Variants in ITPR1 observed in about 807,000 individuals in gnomAD.
ITPR1 encodes the protein inositol 1,4,5-trisphosphate-gated calcium channel ITPR1.
A neutral mutation model predicts 318.4 loss-of-function variants in ITPR1; 96 were observed. The observed-to-expected ratio is 0.30, with a 90% CI of 0.26 to 0.36. ITPR1 has a LOEUF of 0.36. ITPR1 is among the 10% of genes least tolerant of loss of function. The probability of loss-of-function intolerance (pLI) is 1.00; values close to 1 mark genes in which losing one functional copy is unlikely to be tolerated. For synonymous variants in ITPR1, 1,312 were observed against 1,289.9 expected, an observed-to-expected ratio of 1.02 and a Z score of -0.37; for missense variants, 2,440 against 3,460.2, an observed-to-expected ratio of 0.71 and a Z score of 7.40.
chr3:4,596,833 G>A (rs1215432904), intron 4 of ITPR1, among the ~76,000 whole-genome samples: 1 of 152,196 alleles, frequency 6.6e-6, no homozygotes, highest in Admixed American at 6.5e-5. Context: ...TGGGGGAATA[G>A]GAATCTGGTT....
At chr3:4,555,316 A>G (rs1166603733) in intron 4 of ITPR1, among the ~76,000 whole-genome samples, 2 of 152,200 alleles carry the variant, frequency 1.3e-5, no homozygotes, top group Non-Finnish European at 2.9e-5. Context: ...AGACAGGACT[A>G]GAAACTTGGT....
At chr3:4,495,977 A>G (rs889695444) in intron 2 of ITPR1, among the ~76,000 whole-genome samples, 1 of 152,256 alleles carries the variant, frequency 6.6e-6, no homozygotes, top group Non-Finnish European at 1.5e-5. Flanking sequence ...CCACAAACAT[A>G]GGGATAAAAG....
At chr3:4,822,345 G>A (rs571413956) in intron 60 of ITPR1, among the ~76,000 whole-genome samples, 2 of 152,330 alleles carry the variant, frequency 1.3e-5, no homozygotes, top group South Asian at 4.1e-4. Context: ...CACCTTGGCT[G>A]TGGGCACGTT....
intron 42 of ITPR1, among the ~76,000 whole-genome samples, chr3:4,730,647 C>T (rs957584552): frequency 2.0e-5 from 3 of 151,948 alleles, no homozygotes; most frequent in Non-Finnish European, 2.9e-5. Flanking sequence ...TGCTTGATTG[C>T]AGACTGACCA....
At chr3:4,535,045 G>T (rs1418613030) in intron 4 of ITPR1, among the ~76,000 whole-genome samples, 1 of 151,302 alleles carries the variant, frequency 6.6e-6, no homozygotes, top group Non-Finnish European at 1.5e-5. Context: ...TAAAATTAGT[G>T]TTCTCTAGTA....
In ITPR1 at chr3:4,728,149, G is replaced by A. The variant is rs114671108; in HGVS notation, c.5220+976G>A. ...GTGTGCATCTTTGAATAAATTCCTA[G>A]AAGAGGAATTCCTTGGCCAAGGGGT... is the stretch of plus-strand genomic sequence containing the variant. On this transcript the variant is annotated intron_variant, in intron 42 of 61. Coordinates refer to ENST00000649015, the MANE Select transcript of ITPR1 (RefSeq NM_001378452.1). Among the ~76,000 whole-genome samples, 435 of 152,352 alleles carry A rather than the reference G, an allele frequency of 2.9e-3. 1 individual carries two copies. Among genetic ancestry groups the A allele is most frequent in the African/African-American group, 9.9e-3 (412 of 41,582 alleles).
chr3:4,535,966 G>A (rs182802632), intron 4 of ITPR1, among the ~76,000 whole-genome samples: 2 of 152,286 alleles, frequency 1.3e-5, no homozygotes, highest in Admixed American at 1.3e-4. Flanking sequence ...AAGAGCCCCA[G>A]CAGTAGCTCA....
intron 5 of ITPR1, among the ~76,000 whole-genome samples, chr3:4,634,018 G>C (rs1372143829): frequency 6.6e-6 from 1 of 152,122 alleles, no homozygotes; most frequent in African/African-American, 2.4e-5. Flanking sequence ...TAAAATAACA[G>C]GTGGCTATGA....
chr3:4,836,732 A>C (rs1161538650), intron 60 of ITPR1, 42 bp from the exon 61 acceptor site: 2 of 1,300,072 alleles, frequency 1.5e-6, no homozygotes, highest in South Asian at 2.2e-5. Flanking sequence ...GAAGTGACTC[A>C]GTCTTTTTTT....
intron 4 of ITPR1, among the ~76,000 whole-genome samples, chr3:4,586,989 T>C (rs1398354939): frequency 6.6e-6 from 1 of 152,158 alleles, no homozygotes; most frequent in Admixed American, 6.5e-5. Context: ...TTGATTGTAC[T>C]GGGAATCACC....
chr3:4,497,284 G>A (rs142274194), intron 2 of ITPR1, among the ~76,000 whole-genome samples: 1,594 of 152,256 alleles, frequency 0.01, 33 homozygotes, highest in African/African-American at 0.035. Context: ...GTAGTTTAAG[G>A]CACATGGTGT....
chr3:4,585,135 T>C (rs966002526), intron 4 of ITPR1, among the ~76,000 whole-genome samples: 1 of 152,224 alleles, frequency 6.6e-6, no homozygotes, highest in Admixed American at 6.5e-5. Context: ...AGTCCTATAC[T>C]CTTCTGGGTA....
chr3:4,788,633 G>A (rs2047354913), intron 52 of ITPR1, among the ~76,000 whole-genome samples: 1 of 152,188 alleles, frequency 6.6e-6, no homozygotes, highest in African/African-American at 2.4e-5. Flanking sequence ...GTGCATCATT[G>A]CTCACCAGCG....
chr3:4,753,295 C>T (rs1466616870), intron 44 of ITPR1, among the ~76,000 whole-genome samples: 4 of 152,062 alleles, frequency 2.6e-5, no homozygotes, highest in East Asian at 1.9e-4. Context: ...GATCCCTAGT[C>T]GGTGCTTCTA....
At chr3:4,613,079 T>C (rs1402369505) in intron 4 of ITPR1, among the ~76,000 whole-genome samples, 2 of 152,136 alleles carry the variant, frequency 1.3e-5, no homozygotes, top group Non-Finnish European at 2.9e-5. Context: ...ACAGTTTGCT[T>C]TTATACGTTT....
At chr3:4,686,942 C>A (rs2125238504) in intron 30 of ITPR1, among the ~76,000 whole-genome samples, 1 of 152,356 alleles carries the variant, frequency 6.6e-6, no homozygotes, top group South Asian at 2.1e-4. Context: ...TAATAAGGGA[C>A]AAATGTAATC....
chr3:4,755,404 AT>A (rs71053440), intron 44 of ITPR1, among the ~76,000 whole-genome samples: 42,304 of 143,516 alleles, frequency 0.29, 6,900 homozygotes, highest in Non-Finnish European at 0.38. Flanking sequence ...AATTAAAAAC[AT>A]TTTTTTTTTT....
intron 4 of ITPR1, among the ~76,000 whole-genome samples, chr3:4,567,141 C>T (rs532133390): frequency 1.4e-4 from 22 of 152,226 alleles, no homozygotes; most frequent in Admixed American, 3.3e-4. Context: ...GTGGAAAGCT[C>T]GTAGGGTGTG....
intron 12 of ITPR1, among the ~76,000 whole-genome samples, chr3:4,655,404 G>A (rs2093683700): frequency 6.6e-6 from 1 of 152,156 alleles, no homozygotes; most frequent in African/African-American, 2.4e-5. Context: ...GGTGCAGGAG[G>A]AAGAGTGCAG....
Sources: gnomAD v4.1 joint callset for allele counts (sites outside exome capture counted in the v4.1 genomes callset) on GRCh38, gnomAD v4.1.1 for gene constraint, MANE v1.5 for transcripts, NCBI Gene and HGNC (gene_info 2026-07-23, HGNC 2026-07-21) for gene names.